The following ANKRD44 variants were observed in gnomAD, a reference collection of about 807,000 sequenced individuals.
ANKRD44 encodes the protein serine/threonine-protein phosphatase 6 regulatory ankyrin repeat subunit B.
A neutral mutation model predicts 116.0 loss-of-function variants in ANKRD44; 35 were observed. That is an observed-to-expected ratio of 0.30 (90% confidence interval 0.23 to 0.40). The LOEUF (loss-of-function observed/expected upper bound fraction) is 0.40. Ranked by LOEUF, ANKRD44 falls within the 10% of genes least tolerant of loss-of-function variation. The pLI, the probability that ANKRD44 is intolerant of heterozygous loss-of-function variation, is 1.00. For synonymous variants in ANKRD44, 435 were observed against 461.8 expected, an observed-to-expected ratio of 0.94 and a Z score of 0.74; for missense variants, 1,014 against 1,242.6, an observed-to-expected ratio of 0.82 and a Z score of 2.77.
At chr2:197,100,082 G>A in intron 9 of ANKRD44, 152 bp from the exon 10 acceptor site, 1 of 704,236 alleles carries the variant, frequency 1.4e-6, no homozygotes, top group Non-Finnish European at 2.4e-6. Context: ...GCTTTTAAAG[G>A]GGACAAGTCA....
intron 1 of ANKRD44, among the ~76,000 whole-genome samples, chr2:197,287,189 G>A (rs563894515): frequency 6.6e-6 from 1 of 152,066 alleles, no homozygotes; most frequent in African/African-American, 2.4e-5. Context: ...TGGGGACAGG[G>A]GTATATGGAA....
chr2:197,133,413 C>T (rs2079136983), intron 4 of ANKRD44, among the ~76,000 whole-genome samples: 1 of 152,224 alleles, frequency 6.6e-6, no homozygotes, highest in African/African-American at 2.4e-5. Flanking sequence ...AGCAGCCCTA[C>T]ACACTTGTGT....
chr2:197,300,758 C>CTTTT (rs112803787), intron 1 of ANKRD44, among the ~76,000 whole-genome samples: 16 of 122,740 alleles, frequency 1.3e-4, no homozygotes, highest in South Asian at 2.5e-4. Context: ...TTTCATTTTC[C>CTTTT]TTTTTTTTTT....
chr2:197,042,176 C>G (rs1277893855), intron 16 of ANKRD44, among the ~76,000 whole-genome samples: 1 of 152,110 alleles, frequency 6.6e-6, no homozygotes, highest in Non-Finnish European at 1.5e-5. Context: ...TTGAGTCTTT[C>G]CACTGCGGGG....
intron 21 of ANKRD44, among the ~76,000 whole-genome samples, chr2:196,979,115 C>A (rs13424736): frequency 0.031 from 4,768 of 151,886 alleles, 245 homozygotes; most frequent in African/African-American, 0.11. Context: ...CATCTGCAGG[C>A]GCCAGGCACG....
chr2:197,000,479 G>A lies in ANKRD44; in HGVS notation c.2459C>T (p.Ala820Val). Reference protein sequence around the residue: ...CAIINDHGNCASLLLGAIDSS... With the variant: ...CAIINDHGNCVSLLLGAIDSS... ...ATCTATGGCCCCAAGCAGCAATGAT[G>A]CACAATTCCCATGATCATTGATTCT... The change falls in exon 23 of 28, where the codon GCA becomes GTA. Residue 820 changes from alanine to valine, a missense_variant. Coordinates refer to ENST00000282272, the MANE Select transcript of ANKRD44 (RefSeq NM_001195144.2). 6.2e-7 allele frequency: 1 copy of A among 1,613,952 alleles called. No individual in the cohort carries two copies. The highest frequency in any genetic ancestry group is 1.3e-5 in the African/African-American group (1 of 75,044).
intron 1 of ANKRD44, among the ~76,000 whole-genome samples, chr2:197,218,102 A>G (rs893371874): frequency 1.3e-5 from 2 of 152,258 alleles, no homozygotes; most frequent in African/African-American, 4.8e-5. Flanking sequence ...ACACCAAAAC[A>G]GATGGATTCT....
At chr2:196,975,792 A>T (rs888727990) in intron 21 of ANKRD44, among the ~76,000 whole-genome samples, 2 of 133,980 alleles carry the variant, frequency 1.5e-5, no homozygotes, top group Non-Finnish European at 3.2e-5. Flanking sequence ...TGTCTCAAAA[A>T]AAAAAAAGAA....
intron 1 of ANKRD44, among the ~76,000 whole-genome samples, chr2:197,216,140 C>A (rs1250668339): frequency 6.6e-6 from 1 of 152,108 alleles, no homozygotes; most frequent in Non-Finnish European, 1.5e-5. Context: ...TTGTGAGGAT[C>A]AAAAGAGTAA....
chr2:197,119,902 G>A (rs2078812337), intron 8 of ANKRD44, among the ~76,000 whole-genome samples: 1 of 152,152 alleles, frequency 6.6e-6, no homozygotes, highest in Non-Finnish European at 1.5e-5. Context: ...CCCTTGGTTA[G>A]CTGTCACATG....
At chr2:197,223,265 A>G (rs1388417743) in intron 1 of ANKRD44, among the ~76,000 whole-genome samples, 1 of 152,130 alleles carries the variant, frequency 6.6e-6, no homozygotes, top group Non-Finnish European at 1.5e-5. Flanking sequence ...CTACCCTTCC[A>G]CTTCACAGTA....
At chr2:197,101,911 G>A (rs1218593132) in intron 9 of ANKRD44, among the ~76,000 whole-genome samples, 2 of 151,898 alleles carry the variant, frequency 1.3e-5, no homozygotes, top group Non-Finnish European at 2.9e-5. Context: ...TTAATAATAT[G>A]TAAAATACAT....
At chr2:197,027,127 G>A (rs985028301) in intron 16 of ANKRD44, among the ~76,000 whole-genome samples, 2 of 152,014 alleles carry the variant, frequency 1.3e-5, no homozygotes, top group East Asian at 3.9e-4. Flanking sequence ...TTGGGAGACC[G>A]AAGTGGGAAG....
chr2:196,987,662 C>T lies in ANKRD44; in HGVS notation c.*1929G>A, dbSNP rs113061711. 642 of 985,376 alleles carry T rather than the reference C, an allele frequency of 6.5e-4. 4 individuals carry two copies. Among genetic ancestry groups the T allele is most frequent in the African/African-American group, 6.0e-3 (342 of 57,340 alleles). The allele number at this position is 985,376 out of a possible 1,614,324, so 61.0% of individuals were successfully genotyped here. A position where few individuals can be genotyped will look rare whatever the true frequency, so the allele number is the denominator to read the frequency against. On this transcript the variant is annotated 3_prime_UTR_variant, in exon 28 of 28. Transcript: ENST00000282272. Reference sequence around the variant, plus strand: ...AAATAGAAATACCCTGAGCTATTTACTGTAGAATCATAGCAGATTTTAGGC... The same window carrying T: ...AAATAGAAATACCCTGAGCTATTTATTGTAGAATCATAGCAGATTTTAGGC...
intron 4 of ANKRD44, among the ~76,000 whole-genome samples, chr2:197,133,197 C>G (rs1002979954): frequency 6.6e-6 from 1 of 152,232 alleles, no homozygotes; most frequent in African/African-American, 2.4e-5. Context: ...CCTTCAGTTT[C>G]TCCAATTCTT....
At chr2:197,276,170 G>A (rs907027179) in intron 1 of ANKRD44, among the ~76,000 whole-genome samples, 3 of 151,282 alleles carry the variant, frequency 2.0e-5, no homozygotes, top group Admixed American at 6.6e-5. Context: ...AGCTACTTGG[G>A]AGGCTGAAGC....
chr2:197,067,186 G>T (rs2077452843), intron 16 of ANKRD44, among the ~76,000 whole-genome samples: 1 of 151,986 alleles, frequency 6.6e-6, no homozygotes, highest in Non-Finnish European at 1.5e-5. Context: ...AATGGGGAAA[G>T]GATTCCCTAT....
In ANKRD44 at chr2:197,144,571, A is replaced by G. The variant is rs545229591; in HGVS notation, c.190+2456T>C. 2.0e-5 allele frequency among the ~76,000 whole-genome samples: 3 copies of G among 152,336 alleles called. No homozygotes were observed. In the East Asian group the frequency reaches 5.8e-4, roughly 29 times the overall value. ...ATTGCTAAAAAAGAAAACTTTCCCA[A>G]TGCTCCCCATGCCCTAAGTCTTCTT... On this transcript the variant is annotated intron_variant, in intron 3 of 27. Transcript: ENST00000282272.
chr2:197,083,330 C>A (rs1241939147), intron 14 of ANKRD44, 39 bp downstream of exon 14: 2 of 1,595,568 alleles, frequency 1.3e-6, no homozygotes, highest in African/African-American at 1.3e-5. Flanking sequence ...CACTCCCCAA[C>A]CCTGTTCCCA....
Sources: allele counts gnomAD v4.1 joint callset (sites outside exome capture counted in the v4.1 genomes callset), GRCh38; gene constraint gnomAD v4.1.1; transcripts MANE v1.5; gene names NCBI Gene and HGNC (gene_info 2026-07-23, HGNC 2026-07-21).